VPS54: variants seen among roughly 807,000 people sequenced by gnomAD.
VPS54 encodes vacuolar protein sorting-associated protein 54.
Under a neutral mutation model 121.5 loss-of-function variants are expected in VPS54, and 45 were observed. The ratio of observed to expected loss-of-function variants is 0.37; its 90% CI spans 0.29 to 0.47. The LOEUF is 0.47. Among genes scored for constraint, VPS54 ranks in the 20% least tolerant of loss-of-function variants. The pLI is 0.99. For synonymous variants in VPS54, 371 were observed against 385.8 expected (o/e 0.96, Z 0.45); for missense variants, 1,090 against 1,131.4 (o/e 0.96, Z 0.52).
In VPS54 at chr2:63,906,973, A is replaced by C. The variant is rs575836328; in HGVS notation, c.2625+5372T>G. 5.9e-5 allele frequency among the ~76,000 whole-genome samples: 9 copies of C among 152,356 alleles called. No homozygotes were observed. In the South Asian group the frequency reaches 1.7e-3, roughly 28 times the overall value. On this transcript the variant is annotated intron_variant, in intron 20 of 22. Transcript: ENST00000272322. ...ATTTACAATAATGCTGGAGTAGCTA[A>C]GACAGTGTGGTACTGGAACAGAATA...
chr2:63,972,203 A>G lies in VPS54; in HGVS notation c.420T>C (p.Pro140=). 6.3e-7 allele frequency: 1 copy of G among 1,596,946 alleles called. No homozygotes were observed. Among genetic ancestry groups the G allele is most frequent in the Non-Finnish European group, 8.6e-7 (1 of 1,168,336 alleles). Residue 140 remains proline, a synonymous_variant, in exon 4 of 23, where the codon CCT becomes CCC. Transcript: ENST00000272322. ...IHERCKNICP[P]KDTFERTLLH... is the part of the protein sequence containing the mutation. ...AAAGAGTCCTTTCGAAGGTATCTTT[A>G]GGAGGACAAATATTCTTGCATCTCT...
In VPS54 at chr2:63,933,793, G is replaced by A. The variant is rs777782685; in HGVS notation, c.1619C>T (p.Ala540Val). The part of the protein sequence containing the change: ...IAVDTTSQRN[A>V]SPNSEPCSSD... Reference sequence around the variant, plus strand: ...GCTGCAGGGCTCACTATTTGGAGATGCATTTCTTTGAGAGGTAGTGTCAAC... The same window carrying A: ...GCTGCAGGGCTCACTATTTGGAGATACATTTCTTTGAGAGGTAGTGTCAAC... Residue 540 changes from alanine to valine, a missense_variant, in exon 12 of 23, where the codon GCA (alanine) becomes GTA (valine). Transcript: ENST00000272322. The A allele has an allele frequency of 1.4e-5, 23 of 1,613,740 alleles. No individual in the cohort carries two copies. The highest frequency in any genetic ancestry group is 1.9e-5 in the Non-Finnish European group (22 of 1,179,860).
chr2:63,989,050 G>C (rs555362131), intron 1 of VPS54, among the ~76,000 whole-genome samples: 1 of 152,144 alleles, frequency 6.6e-6, no homozygotes, highest in African/African-American at 2.4e-5. Context: ...TCTGCCTTAC[G>C]CAGTTGTAGA....
intron 20 of VPS54, among the ~76,000 whole-genome samples, chr2:63,907,310 G>C (rs1672943173): frequency 6.6e-6 from 1 of 152,072 alleles, no homozygotes; most frequent in Non-Finnish European, 1.5e-5. Flanking sequence ...CCTGAGGTCG[G>C]GAGTTTGAGA....
At chr2:64,015,006 AACAT>A (rs562075633) in intron 1 of VPS54, among the ~76,000 whole-genome samples, 30 of 152,196 alleles carry the variant, frequency 2.0e-4, no homozygotes, top group African/African-American at 4.3e-4. Flanking sequence ...GGACATTCAC[AACAT>A]ACATACATAC....
intron 7 of VPS54, among the ~76,000 whole-genome samples, chr2:63,959,226 C>A (rs1675639479): frequency 6.6e-6 from 1 of 152,118 alleles, no homozygotes. Context: ...GAAAGTAAAT[C>A]ATCATATAGG....
chr2:63,982,194 TC>T (rs199644241), intron 2 of VPS54, among the ~76,000 whole-genome samples: 19,416 of 151,590 alleles, frequency 0.13, 1,370 homozygotes, highest in Middle Eastern at 0.18. Flanking sequence ...AATTACTCTA[TC>T]TTTTTTTTTC....
intron 3 of VPS54, 23 bp downstream of exon 3, chr2:63,981,623 A>C: frequency 6.5e-7 from 1 of 1,542,616 alleles, no homozygotes; most frequent in Non-Finnish European, 8.7e-7. Context: ...ACCTGACTGT[A>C]ACTAGCCAAG....
intron 12 of VPS54, among the ~76,000 whole-genome samples, chr2:63,925,978 A>C (rs1673883070): frequency 6.6e-6 from 1 of 152,224 alleles, no homozygotes. Context: ...CTTATGTTCC[A>C]AATGGATCAT....
intron 7 of VPS54, among the ~76,000 whole-genome samples, chr2:63,959,091 G>A (rs564834103): frequency 6.6e-5 from 10 of 152,058 alleles, no homozygotes; most frequent in Non-Finnish European, 1.2e-4. Context: ...TCTATAAAGC[G>A]TCCAAAACTA....
chr2:64,009,402 G>A lies in VPS54; in HGVS notation c.-21+9536C>T, dbSNP rs539528868. Among the ~76,000 whole-genome samples the A allele has an allele frequency of 5.3e-5, 8 of 151,862 alleles. No homozygotes were observed. In the South Asian group the frequency reaches 8.4e-4, roughly 16 times the overall value. ...AAGATCTCAGTTCATAACAACCTCC[G>A]CCTCCCGGGTTCAAGCGATTCTCCT... On this transcript the variant is annotated intron_variant, in intron 1 of 22. Transcript: ENST00000272322.
At chr2:64,001,367 T>C (rs1021200322) in intron 1 of VPS54, among the ~76,000 whole-genome samples, 4 of 152,194 alleles carry the variant, frequency 2.6e-5, no homozygotes, top group Non-Finnish European at 4.4e-5. Context: ...TTGAACCCAC[T>C]ATGGCCAAGG....
At chr2:63,905,033 CAGGACACA>C (rs1352039546) in intron 20 of VPS54, among the ~76,000 whole-genome samples, 41 of 152,128 alleles carry the variant, frequency 2.7e-4, no homozygotes, top group African/African-American at 8.4e-4. Context: ...TCAAAATTTG[CAGGACACA>C]GCAAAAGCAG....
chr2:63,944,863 G>C (rs1021614597), intron 9 of VPS54, among the ~76,000 whole-genome samples: 2 of 152,046 alleles, frequency 1.3e-5, no homozygotes, highest in African/African-American at 4.8e-5. Flanking sequence ...AGTAAGAATG[G>C]CTATTACTAA....
Position 63,912,581 on chromosome 2 carries a change from T to C in VPS54, c.2503A>G (p.Lys835Glu). The C allele has an allele frequency of 1.2e-6, 2 of 1,600,882 alleles. No individual in the cohort carries two copies. Among genetic ancestry groups the C allele is most frequent in the South Asian group, 1.1e-5 (1 of 88,204 alleles). ...AAATGCCTAAGCATGCTATATTGCT[T>C]AGGTGGTAGTCGAGCTTCAAAATGA... The part of the protein sequence containing the change: ...RAHFEARLPP[K>E]QYSMLRHFDH... Residue 835 changes from lysine (K) to glutamate (E), a missense_variant, in exon 19 of 23, where the codon AAG (lysine) becomes GAG (glutamate). This residue lies in a region of VPS54 where 289 missense variants were observed against 374.4 expected (regional missense o/e 0.77). Coordinates refer to ENST00000272322, the MANE Select transcript of VPS54 (RefSeq NM_016516.3).
intron 22 of VPS54, among the ~76,000 whole-genome samples, chr2:63,894,716 GGTT>G (rs899835940): frequency 2.8e-5 from 4 of 143,564 alleles, no homozygotes; most frequent in African/African-American, 7.5e-5. Flanking sequence ...AAAAAAAAAA[GGTT>G]GTTTGATGGA....
intron 1 of VPS54, among the ~76,000 whole-genome samples, chr2:63,995,399 G>C (rs866141271): frequency 6.6e-6 from 1 of 152,326 alleles, no homozygotes; most frequent in African/African-American, 2.4e-5. Flanking sequence ...CGGTAACTTT[G>C]CCCAGACCTT....
chr2:64,008,142 G>A (rs987606391), intron 1 of VPS54, among the ~76,000 whole-genome samples: 2 of 152,206 alleles, frequency 1.3e-5, no homozygotes, highest in Admixed American at 1.3e-4. Context: ...GCCGGGCGCA[G>A]TGGCTCATGT....
chr2:63,894,833 A>G (rs911917077), intron 22 of VPS54, among the ~76,000 whole-genome samples: 8 of 152,232 alleles, frequency 5.3e-5, no homozygotes, highest in Admixed American at 2.6e-4. Flanking sequence ...AATATACCAT[A>G]TAAGTAAATT....
Sources: allele counts gnomAD v4.1 joint callset (sites outside exome capture counted in the v4.1 genomes callset), GRCh38; gene constraint gnomAD v4.1.1; regional missense constraint gnomAD v4.1.1; transcripts MANE v1.5; gene names NCBI Gene and HGNC (gene_info 2026-07-23, HGNC 2026-07-21).